The following EDA variants were observed in gnomAD, a reference collection of about 807,000 sequenced individuals.
EDA encodes the protein ectodysplasin-A.
EDA carries 2 observed loss-of-function variants against 23.6 expected under a neutral mutation model. The observed-to-expected ratio is 0.08, with a 90% CI of 0.03 to 0.27. EDA has a LOEUF of 0.27. Ranked by LOEUF, EDA falls within the 10% of genes least tolerant of loss-of-function variation. EDA has a pLI of 1.00. For missense variants in EDA, 229 were observed against 324.2 expected (o/e 0.71, Z 2.26); for synonymous variants, 131 against 132.0 (o/e 0.99, Z 0.05).
chrX:69,633,725 A>G (rs1490784937), intron 1 of EDA, among the ~76,000 whole-genome samples: 3 of 112,656 alleles, frequency 2.7e-5, no homozygotes, highest in East Asian at 2.8e-4. Flanking sequence ...ATTCCATTGT[A>G]TGGATATACC....
At chrX:69,878,069 GTTCTTT>G (rs1237535027) in intron 1 of EDA, among the ~76,000 whole-genome samples, 4 of 111,301 alleles carry the variant, frequency 3.6e-5, no homozygotes, top group African/African-American at 1.3e-4. Context: ...CTCTAACTTT[GTTCTTT>G]TTCTTTTTCT....
chrX:69,765,397 T>C (rs2014440858), intron 1 of EDA, among the ~76,000 whole-genome samples: 1 of 111,916 alleles, frequency 8.9e-6, no homozygotes, highest in South Asian at 3.7e-4. Context: ...TCCATTTCTC[T>C]TTGGTAACCA....
chrX:69,992,882 A>C lies in EDA; in HGVS notation c.503-30336A>C, dbSNP rs770481884. 1.0e-3 allele frequency among the ~76,000 whole-genome samples: 113 copies of C among 112,218 alleles called. No individual in the cohort carries two copies. In the Middle Eastern group the frequency reaches 0.018, roughly 18 times the overall value. ...TCTTCTTTATGAAATCTTTCCCTAC[A>C]CTAAAGTCATAAAAATATTCTTCAA... On this transcript the variant is annotated intron_variant, in intron 2 of 7. Transcript: ENST00000374552.
intron 1 of EDA, among the ~76,000 whole-genome samples, chrX:69,946,215 GC>G (rs1422044227): frequency 2.7e-5 from 3 of 111,458 alleles, no homozygotes; most frequent in African/African-American, 9.8e-5. Flanking sequence ...TGATTAACCT[GC>G]CTGCCCCTAA....
chrX:69,849,082 TACACACACACACACACACACAC>T (rs370800783), intron 1 of EDA, among the ~76,000 whole-genome samples: 6 of 57,000 alleles, frequency 1.1e-4, no homozygotes, highest in South Asian at 8.7e-4. Flanking sequence ...AAAGTCTATA[TACACACACACACACACACACAC>T]ACACACACAC....
At chrX:69,724,787 G>A (rs935365338) in intron 1 of EDA, among the ~76,000 whole-genome samples, 1 of 112,098 alleles carries the variant, frequency 8.9e-6, no homozygotes, top group African/African-American at 3.2e-5. Flanking sequence ...GGCATTTAAT[G>A]TACTGTTCTT....
At chrX:69,912,150 C>A (rs2018276234) in intron 1 of EDA, among the ~76,000 whole-genome samples, 1 of 111,811 alleles carries the variant, frequency 8.9e-6, no homozygotes, top group African/African-American at 3.2e-5. Flanking sequence ...CAAGTTTTAT[C>A]ATGAGATTGC....
At chrX:69,951,447 A>G (rs1199896293) in intron 1 of EDA, among the ~76,000 whole-genome samples, 2 of 111,713 alleles carry the variant, frequency 1.8e-5, no homozygotes, top group Non-Finnish European at 3.8e-5. Context: ...ACATGAACAA[A>G]GACAATCTAA....
Position 69,915,743 on chromosome X carries a change from T to C in EDA, c.397-41284T>C, listed in dbSNP as rs187611207. Among the ~76,000 whole-genome samples the C allele has an allele frequency of 2.7e-5, 3 of 111,539 alleles. No individual in the cohort carries two copies. The Admixed American group carries it at 2.9e-4, about 11-fold the overall frequency. On this transcript the variant is annotated intron_variant, in intron 1 of 7. Transcript: ENST00000374552. ...CCTTCCTAGGGCTTTTATGGTCCAGTAGAGAAGTCAGACAACTAAACAAGC... is the reference window on the plus strand; with the variant it reads ...CCTTCCTAGGGCTTTTATGGTCCAGCAGAGAAGTCAGACAACTAAACAAGC...
intron 1 of EDA, among the ~76,000 whole-genome samples, chrX:69,648,810 G>A (rs1222719167): frequency 9.0e-6 from 1 of 111,616 alleles, no homozygotes; most frequent in Non-Finnish European, 1.9e-5. Context: ...AAAACTCTTG[G>A]GTTTCTGTGT....
intron 1 of EDA, among the ~76,000 whole-genome samples, chrX:69,634,561 C>T (rs1475689178): frequency 1.8e-5 from 2 of 110,991 alleles, no homozygotes; most frequent in African/African-American, 3.3e-5. Context: ...TCAAGTGATT[C>T]GCCCACCTCG....
intron 1 of EDA, among the ~76,000 whole-genome samples, chrX:69,910,388 T>A (rs200101513): frequency 0.042 from 3,651 of 86,278 alleles, 90 homozygotes; most frequent in South Asian, 0.065. Flanking sequence ...TGTGTGTGTG[T>A]GTGTGTGTGT....
intron 1 of EDA, among the ~76,000 whole-genome samples, chrX:69,875,830 C>T (rs1187803684): frequency 9.0e-6 from 1 of 111,354 alleles, no homozygotes; most frequent in Non-Finnish European, 1.9e-5. Context: ...AGGCTAAGGA[C>T]ATGAATAGAC....
intron 1 of EDA, among the ~76,000 whole-genome samples, chrX:69,707,177 G>A (rs2011762070): frequency 8.9e-6 from 1 of 112,060 alleles, no homozygotes; most frequent in Admixed American, 9.5e-5. Context: ...AGGTTCTTAT[G>A]GGAGAAGCAA....
intron 1 of EDA, among the ~76,000 whole-genome samples, chrX:69,767,119 T>C (rs141548716): frequency 0.012 from 1,299 of 111,693 alleles, 16 homozygotes; most frequent in African/African-American, 0.04. Flanking sequence ...CCACCTTTCC[T>C]TGTGACTTGA....
In EDA at chrX:69,682,060, G is replaced by T. The variant is rs779546228; in HGVS notation, c.396+65356G>T. 3.6e-5 allele frequency among the ~76,000 whole-genome samples: 4 copies of T among 111,531 alleles called. No individual in the cohort carries two copies. The South Asian group carries it at 1.5e-3, about 42-fold the overall frequency. Reference sequence around the variant, plus strand: ...CTAACAGACAGGACCCTCAGCTGCAGGTCTGTTGGAGTACCTGGCCGTGTG... The same window carrying T: ...CTAACAGACAGGACCCTCAGCTGCATGTCTGTTGGAGTACCTGGCCGTGTG... On this transcript the variant is annotated intron_variant, in intron 1 of 7. Coordinates refer to ENST00000374552, the MANE Select transcript of EDA (RefSeq NM_001399.5).
At chrX:69,927,874 T>C (rs977938144) in intron 1 of EDA, among the ~76,000 whole-genome samples, 1 of 111,146 alleles carries the variant, frequency 9.0e-6, no homozygotes, top group Non-Finnish European at 1.9e-5. Flanking sequence ...TCCAATTCCA[T>C]CTTACCCATT....
intron 1 of EDA, among the ~76,000 whole-genome samples, chrX:69,726,857 T>C (rs1234830667): frequency 8.9e-6 from 1 of 112,281 alleles, no homozygotes; most frequent in Non-Finnish European, 1.9e-5. Flanking sequence ...GCTTTTGGGC[T>C]CTGGCCCCAT....
chrX:69,985,677 C>T (rs2019484407), intron 2 of EDA, among the ~76,000 whole-genome samples: 1 of 13,768 alleles, frequency 7.3e-5, no homozygotes, highest in Non-Finnish European at 1.3e-4. Flanking sequence ...GAATCAATAT[C>T]GTGAAAATGG....
Sources: gnomAD v4.1 joint callset for allele counts (sites outside exome capture counted in the v4.1 genomes callset) on GRCh38, gnomAD v4.1.1 for gene constraint, MANE v1.5 for transcripts, NCBI Gene and HGNC (gene_info 2026-07-23, HGNC 2026-07-21) for gene names.